Variants in FOCAD observed in about 807,000 individuals in gnomAD.
FOCAD encodes the protein KIAA1797.
In FOCAD, 198 loss-of-function variants were observed where a neutral mutation model predicts 225.6. The ratio of observed to expected loss-of-function variants is 0.88; its 90% confidence interval spans 0.78 to 0.99. The LOEUF (loss-of-function observed/expected upper bound fraction) is 0.99. Among genes scored for constraint, FOCAD ranks in the 50% least tolerant of loss-of-function variants. The pLI, the probability that FOCAD is intolerant of heterozygous loss-of-function variation, is 0.00. For missense variants in FOCAD, 2,713 were observed against 2,123.6 expected (o/e 1.28, Z -5.46); for synonymous variants, 897 against 755.0 (o/e 1.19, Z -3.08).
chr9:20,880,801 A>G (rs570054775), intron 19 of FOCAD, among the ~76,000 whole-genome samples: 2 of 152,290 alleles, frequency 1.3e-5, no homozygotes, highest in African/African-American at 2.4e-5. Context: ...TTGTTTCTGT[A>G]AGAGCCACAT....
At chr9:20,885,013 T>G (rs1341904554) in intron 20 of FOCAD, 96 bp from the exon 21 acceptor site, 1 of 665,042 alleles carries the variant, frequency 1.5e-6, no homozygotes, top group African/African-American at 1.9e-5. Flanking sequence ...GAGCTGAGAT[T>G]GCACCACTGC....
chr9:20,699,286 C>T (rs1158506392), intron 1 of FOCAD, among the ~76,000 whole-genome samples: 1 of 152,054 alleles, frequency 6.6e-6, no homozygotes, highest in Non-Finnish European at 1.5e-5. Context: ...TGAAATGAAA[C>T]TCTTTTGAAG....
intron 35 of FOCAD, among the ~76,000 whole-genome samples, chr9:20,965,636 T>G (rs2132497688): frequency 6.6e-6 from 1 of 152,308 alleles, no homozygotes; most frequent in Non-Finnish European, 1.5e-5. Context: ...ATTTCCAGAA[T>G]GTTTTCATTA....
In FOCAD at chr9:20,823,985, G is replaced by A. The variant is rs77433459; in HGVS notation, c.1920+870G>A. On this transcript the variant is annotated intron_variant, in intron 15 of 43. Transcript: ENST00000338382. ...CCCCAGAGAGAGGTTAGATATTTAC[G>A]CCGGATCTTGGTATGAGAATACACT... Among the ~76,000 whole-genome samples the A allele has an allele frequency of 2.2e-3, 333 of 152,104 alleles. 1 individual carries two copies. The highest frequency in any genetic ancestry group is 7.4e-3 in the African/African-American group (306 of 41,524).
Position 20,881,892 on chromosome 9 carries a change from C to T in FOCAD, c.2339C>T (p.Ser780Leu). 3 of 1,612,638 alleles carry T rather than the reference C, an allele frequency of 1.9e-6. No homozygotes were observed. In the South Asian group the frequency reaches 3.3e-5, roughly 18 times the overall value. Reference sequence around the variant, plus strand: ...TTAGCTTTGGAGGAATTTTTTACATCACTTGTGAAGCAAGAAATGGTGAAT... The same window carrying T: ...TTAGCTTTGGAGGAATTTTTTACATTACTTGTGAAGCAAGAAATGGTGAAT... ...VLPALEEFFT[S>L]LVKQEMVNMP... Residue 780 changes from serine to leucine, a missense_variant, in exon 20 of 44, where the codon TCA (serine) becomes TTA (leucine). By Grantham distance (145) the Ser-to-Leu change is moderately radical (BLOSUM62 -2). Transcript: ENST00000338382.
intron 28 of FOCAD, among the ~76,000 whole-genome samples, chr9:20,934,295 A>G (rs1358648236): frequency 6.6e-6 from 1 of 152,140 alleles, no homozygotes; most frequent in Non-Finnish European, 1.5e-5. Context: ...GCCAATGTCT[A>G]GAAGGGTTTT....
chr9:20,988,170 T>G (rs1034475527), intron 40 of FOCAD, among the ~76,000 whole-genome samples, 162 bp from the exon 41 acceptor site: 11 of 152,186 alleles, frequency 7.2e-5, no homozygotes, highest in Non-Finnish European at 1.6e-4. Flanking sequence ...CAAAGAACTC[T>G]CTCACAGGCA....
intron 15 of FOCAD, among the ~76,000 whole-genome samples, chr9:20,827,689 G>C (rs979622501): frequency 1.3e-5 from 2 of 151,808 alleles, no homozygotes; most frequent in African/African-American, 4.8e-5. Context: ...TAAAAATAAA[G>C]AAAGAGCTCC....
At position 20,944,696 on chromosome 9, in the gene FOCAD, C is replaced by T. The variant is rs753746673; in HGVS notation, c.3477C>T (p.Arg1159=). 12 of 1,613,974 alleles carry T rather than the reference C, an allele frequency of 7.4e-6. No individual in the cohort carries two copies. The highest frequency in any genetic ancestry group is 1.7e-5 in the Admixed American group (1 of 60,002). ...LMSHSSQMQS[R]VHVAALLRKL... is the part of the protein sequence containing the mutation. ...GCCACAGCAGCCAAATGCAGTCCCG[C>T]GTTCACGTAGCAGCATTGCTCCGGA... is the stretch of plus-strand genomic sequence containing the variant. Residue 1159 remains arginine, a synonymous_variant, in exon 29 of 44, where the codon CGC becomes CGT. Transcript: ENST00000338382.
At chr9:20,716,879 G>A (rs564151850) in intron 2 of FOCAD, among the ~76,000 whole-genome samples, 3 of 152,192 alleles carry the variant, frequency 2.0e-5, no homozygotes, top group South Asian at 2.1e-4. Flanking sequence ...CCAAAATTCC[G>A]ACTTATAAGA....
At chr9:20,925,853 T>A (rs1219081671) in intron 25 of FOCAD, among the ~76,000 whole-genome samples, 2 of 152,226 alleles carry the variant, frequency 1.3e-5, no homozygotes, top group African/African-American at 2.4e-5. Flanking sequence ...ATGGTAATAG[T>A]CACCAGAAAT....
intron 11 of FOCAD, among the ~76,000 whole-genome samples, chr9:20,814,992 C>G (rs1172755897): frequency 6.6e-6 from 1 of 151,780 alleles, no homozygotes; most frequent in Non-Finnish European, 1.5e-5. Flanking sequence ...TTTCCATATG[C>G]TCTCATGTTT....
At chr9:20,681,585 A>T (rs1822398867), upstream of FOCAD, among the ~76,000 whole-genome samples, 1 of 152,200 alleles carries the variant, frequency 6.6e-6, no homozygotes, top group Non-Finnish European at 1.5e-5. Context: ...TTCTAGTTCT[A>T]AAAGCCTATC....
intron 4 of FOCAD, among the ~76,000 whole-genome samples, chr9:20,738,499 T>C (rs1445965465): frequency 6.6e-6 from 1 of 152,160 alleles, no homozygotes; most frequent in East Asian, 1.9e-4. Context: ...GAAGGCTTCA[T>C]GAAGTGTTGG....
intron 35 of FOCAD, among the ~76,000 whole-genome samples, chr9:20,960,831 A>C (rs891872586): frequency 6.7e-6 from 1 of 148,990 alleles, no homozygotes; most frequent in Non-Finnish European, 1.5e-5. Flanking sequence ...CCTATGAGTG[A>C]GAACATGTGG....
chr9:20,681,392 G>C (rs1171689094), upstream of FOCAD, among the ~76,000 whole-genome samples: 1 of 152,082 alleles, frequency 6.6e-6, no homozygotes, highest in Non-Finnish European at 1.5e-5. Flanking sequence ...CATCATGCCC[G>C]GCCTGAGAGG....
intron 27 of FOCAD, 146 bp downstream of exon 27, chr9:20,929,742 C>A (rs530218713): frequency 1.6e-6 from 1 of 638,010 alleles, no homozygotes; most frequent in African/African-American, 1.8e-5. Context: ...ATCCTTTATT[C>A]TTCTTTAGGA....
intron 21 of FOCAD, among the ~76,000 whole-genome samples, chr9:20,889,947 T>C (rs961161746): frequency 9.2e-5 from 14 of 152,162 alleles, no homozygotes; most frequent in African/African-American, 3.1e-4. Context: ...AAGTATTACA[T>C]ATCCCTAAGT....
intron 35 of FOCAD, among the ~76,000 whole-genome samples, chr9:20,962,702 C>G (rs1351581616): frequency 1.3e-5 from 2 of 152,112 alleles, no homozygotes; most frequent in Non-Finnish European, 2.9e-5. Context: ...TTCGGATATA[C>G]TGTTTATATC....
Sources: gnomAD v4.1 joint callset for allele counts (sites outside exome capture counted in the v4.1 genomes callset) on GRCh38, gnomAD v4.1.1 for gene constraint, MANE v1.5 for transcripts, NCBI Gene and HGNC (gene_info 2026-07-23, HGNC 2026-07-21) for gene names.